The following PALS2 variants were observed in gnomAD, a reference collection of about 807,000 sequenced individuals.
PALS2 encodes protein associated with LIN7 2, MAGUK p55 family member.
In PALS2, 27 loss-of-function variants were observed where a neutral mutation model predicts 61.6. The observed-to-expected ratio is 0.44, with a 90% CI of 0.32 to 0.60. The LOEUF is 0.60. Among genes scored for constraint, PALS2 ranks in the 20% least tolerant of loss-of-function variants. The pLI, the probability that PALS2 is intolerant of heterozygous loss-of-function variation, is 0.05. For synonymous variants in PALS2, 236 were observed against 218.6 expected, an observed-to-expected ratio of 1.08 and a Z score of -0.70; for missense variants, 554 against 639.4, an observed-to-expected ratio of 0.87 and a Z score of 1.44.
At position 24,688,073 on chromosome 7, in the gene PALS2, C is replaced by T. The variant is rs1788296508; in HGVS notation, c.*459C>T. ...AATAGAAGAAAATATAGTTATTGAC[C>T]TTCCTTCTTATAAATTTCTTACAAA... On this transcript the variant is annotated 3_prime_UTR_variant, in exon 12 of 12. Transcript: ENST00000222644. 1 of 152,244 alleles carries T rather than the reference C, an allele frequency of 6.6e-6. No individual in the cohort carries two copies. The highest frequency in any genetic ancestry group is 6.5e-5 in the Admixed American group (1 of 15,286). 9.4% of individuals were successfully genotyped at this position (152,244 alleles called of 1,614,324 possible).
At chr7:24,593,627 G>T (rs1783384932) in intron 1 of PALS2, among the ~76,000 whole-genome samples, 1 of 152,138 alleles carries the variant, frequency 6.6e-6, no homozygotes, top group African/African-American at 2.4e-5. Context: ...TTCATCTGCT[G>T]TGCATGTCTA....
intron 1 of PALS2, among the ~76,000 whole-genome samples, chr7:24,617,871 G>A (rs1784347755): frequency 6.6e-6 from 1 of 152,226 alleles, no homozygotes; most frequent in Admixed American, 6.5e-5. Context: ...ACAATGCCTG[G>A]GTTGGGGCCA....
At chr7:24,673,157 A>T (rs963769509) in intron 9 of PALS2, among the ~76,000 whole-genome samples, 2 of 152,078 alleles carry the variant, frequency 1.3e-5, no homozygotes, top group East Asian at 1.9e-4. Context: ...AATGGTTCAT[A>T]TGATTTTTGT....
chr7:24,614,672 C>T (rs981804304), intron 1 of PALS2, among the ~76,000 whole-genome samples: 1 of 151,922 alleles, frequency 6.6e-6, no homozygotes, highest in Non-Finnish European at 1.5e-5. Flanking sequence ...CAGCATTGGA[C>T]AGATCACCTA....
rs1219474300 is a variant in PALS2, at chr7:24,596,109, TTTTA to T, written c.-3+22517_-3+22520del. On this transcript the variant is annotated intron_variant, in intron 1 of 11. Coordinates refer to ENST00000222644, the MANE Select transcript of PALS2 (RefSeq NM_001303037.2). The surrounding 1 kb of genome is among the most constrained non-coding windows in gnomAD (Gnocchi z 4.5). ...AGTACAGTGGGAAGCCTTTGGGTAG[TTTTA>T]GCAGGAGAGTAACAAAATCTGTTTT... Among the ~76,000 whole-genome samples the T allele has an allele frequency of 3.3e-5, 5 of 151,946 alleles. No individual in the cohort carries two copies. The East Asian group carries it at 9.7e-4, about 29-fold the overall frequency.
chr7:24,649,702 C>A lies in PALS2; in HGVS notation c.361C>A (p.Gln121Lys). 6.2e-7 allele frequency: 1 copy of A among 1,611,518 alleles called. No individual in the cohort carries two copies. The highest frequency in any genetic ancestry group is 8.5e-7 in the Non-Finnish European group (1 of 1,178,900). Reference protein sequence around the residue: ...PEMNNSSINNQLLPVDAIRIL... With the variant: ...PEMNNSSINNKLLPVDAIRIL... ...AATGAATAATTCTTCTATCAATAAT[C>A]AGTTATTACCAGTAGATGCCATTCG... The change falls in exon 4 of 12, where the codon CAG (glutamine) becomes AAG (lysine). Residue 121 changes from glutamine to lysine, a missense_variant. Transcript: ENST00000222644.
chr7:24,582,803 G>A (rs1782895426), intron 1 of PALS2, among the ~76,000 whole-genome samples: 1 of 149,402 alleles, frequency 6.7e-6, no homozygotes, highest in Non-Finnish European at 1.5e-5. Context: ...CTTATAAAGA[G>A]CTTTGATATA....
At chr7:24,600,945 A>AT (rs1200397088) in intron 1 of PALS2, among the ~76,000 whole-genome samples, 3 of 151,862 alleles carry the variant, frequency 2.0e-5, no homozygotes, top group Admixed American at 2.0e-4. Context: ...TTAGGTTTTT[A>AT]TTTTTTATTA....
intron 1 of PALS2, among the ~76,000 whole-genome samples, chr7:24,612,959 T>C (rs2128052702): frequency 6.6e-6 from 1 of 152,000 alleles, no homozygotes; most frequent in Non-Finnish European, 1.5e-5. Context: ...ATAAAATGAC[T>C]CTTATTTCCT....
chr7:24,644,468 C>A (rs1196993067), intron 3 of PALS2, among the ~76,000 whole-genome samples: 1 of 151,800 alleles, frequency 6.6e-6, no homozygotes, highest in Non-Finnish European at 1.5e-5. Flanking sequence ...CCTCATTGAT[C>A]TTTTGAAAGG....
intron 1 of PALS2, among the ~76,000 whole-genome samples, chr7:24,619,316 T>A (rs1784405656): frequency 6.6e-6 from 1 of 152,206 alleles, no homozygotes; most frequent in Non-Finnish European, 1.5e-5. Flanking sequence ...TTGGTTAGTC[T>A]AATGCATGCT....
At position 24,690,126 on chromosome 7, in the gene PALS2, G is replaced by A. The variant is rs1229490941; in HGVS notation, c.*2512G>A. ...TCCTAATATAAAATGAAATGATGCA[G>A]TTTAGTTCATTTCAGTCTAGATGCC... On this transcript the variant is annotated 3_prime_UTR_variant, in exon 12 of 12. Transcript: ENST00000222644. 4 of 152,156 alleles carry A rather than the reference G, an allele frequency of 2.6e-5. No homozygotes were observed. Among genetic ancestry groups the A allele is most frequent in the South Asian group, 4.1e-4 (2 of 4,826 alleles). 9.4% of individuals were successfully genotyped at this position (152,156 alleles called of 1,614,324 possible).
intron 2 of PALS2, chr7:24,624,074 A>T: frequency 1.5e-6 from 2 of 1,339,462 alleles, no homozygotes; most frequent in South Asian, 2.5e-5. Flanking sequence ...CCTGTGAAAA[A>T]GATCCTGATC....
chr7:24,639,405 TACAC>T (rs10607962), intron 2 of PALS2, among the ~76,000 whole-genome samples: 50,103 of 148,506 alleles, frequency 0.34, 8,858 homozygotes, highest in East Asian at 0.49. Flanking sequence ...CTTTGCTGAA[TACAC>T]ACACACACAC....
intron 3 of PALS2, among the ~76,000 whole-genome samples, chr7:24,648,288 TC>T (rs1206921728): frequency 6.8e-6 from 1 of 147,868 alleles, no homozygotes; most frequent in African/African-American, 2.5e-5. Flanking sequence ...TAAAAATTAT[TC>T]TTTTTTTTTT....
chr7:24,638,597 C>T lies in PALS2; in HGVS notation c.118-3119C>T, dbSNP rs1323997537. 4.5e-5 allele frequency among the ~76,000 whole-genome samples: 2 copies of T among 44,854 alleles called. 1 individual carries two copies. The highest frequency in any genetic ancestry group is 1.5e-3 in the African/African-American group (2 of 1,322). 29.4% of individuals were successfully genotyped at this position (44,854 alleles called of 152,430 possible). On this transcript the variant is annotated intron_variant, in intron 2 of 11. Transcript: ENST00000222644. ...CCGCCCGCCTCGGCCTCCCAAAGTG[C>T]TGGGATTACAGGCGTGAGCCACCGC...
chr7:24,665,005 C>T (rs1221023933), intron 6 of PALS2, among the ~76,000 whole-genome samples: 2 of 151,858 alleles, frequency 1.3e-5, no homozygotes, highest in Non-Finnish European at 2.9e-5. Flanking sequence ...TGAGATAAAC[C>T]ACTAACAGCC....
intron 11 of PALS2, among the ~76,000 whole-genome samples, chr7:24,683,730 G>C (rs577897825): frequency 2.0e-4 from 30 of 152,088 alleles, no homozygotes; most frequent in African/African-American, 6.5e-4. Flanking sequence ...ACTGCTTCTT[G>C]CTAGACCTTT....
chr7:24,611,626 T>C (rs1784115706), intron 1 of PALS2, among the ~76,000 whole-genome samples: 1 of 151,972 alleles, frequency 6.6e-6, no homozygotes, highest in Admixed American at 6.6e-5. Context: ...TATATAGGTT[T>C]ATCAGAATTA....
Sources: gnomAD v4.1 joint callset for allele counts (sites outside exome capture counted in the v4.1 genomes callset) on GRCh38, gnomAD v4.1.1 for gene constraint, Gnocchi (gnomAD v3.1) non-coding constraint, MANE v1.5 for transcripts, NCBI Gene and HGNC (gene_info 2026-07-23, HGNC 2026-07-21) for gene names.